Variants in BUB1B observed in about 807,000 individuals in gnomAD.
The protein encoded by BUB1B is mitotic checkpoint serine/threonine-protein kinase BUB1 beta.
Under a neutral mutation model 137.7 loss-of-function variants are expected in BUB1B, and 86 were observed. The observed-to-expected ratio is 0.62, with a 90% CI of 0.52 to 0.75. BUB1B has a LOEUF of 0.75. Ranked by LOEUF, BUB1B falls within the 30% of genes least tolerant of loss-of-function variation. BUB1B has a pLI of 0.00. For synonymous variants in BUB1B, 420 were observed against 417.9 expected, an observed-to-expected ratio of 1.00 and a Z score of -0.06; for missense variants, 1,130 against 1,236.9, an observed-to-expected ratio of 0.91 and a Z score of 1.30.
At chr15:40,180,111 C>A (rs1406419956) in intron 5 of BUB1B, among the ~76,000 whole-genome samples, 3 of 151,604 alleles carry the variant, frequency 2.0e-5, no homozygotes, top group Admixed American at 1.3e-4. Context: ...TGAAGAACTT[C>A]TTTTAGCCAC....
chr15:40,213,887 A>G (rs548109654), intron 20 of BUB1B, among the ~76,000 whole-genome samples: 1 of 152,302 alleles, frequency 6.6e-6, no homozygotes, highest in South Asian at 2.1e-4. Context: ...CGAGGAACAT[A>G]TTATGTTAAG....
intron 8 of BUB1B, among the ~76,000 whole-genome samples, chr15:40,195,110 T>C (rs1290823802): frequency 1.3e-5 from 2 of 152,194 alleles, no homozygotes; most frequent in Admixed American, 6.5e-5. Flanking sequence ...CTGTACCCGA[T>C]GTGTAGTCTT....
At chr15:40,161,356 C>T (rs2037041139) in intron 1 of BUB1B, 101 bp downstream of exon 1, 8 of 1,375,210 alleles carry the variant, frequency 5.8e-6, no homozygotes, top group South Asian at 1.5e-5. Context: ...AGATCGGCAC[C>T]GTCAGAACAG....
chr15:40,175,922 C>T (rs559061125), intron 4 of BUB1B, among the ~76,000 whole-genome samples: 1 of 152,208 alleles, frequency 6.6e-6, no homozygotes, highest in South Asian at 2.1e-4. Flanking sequence ...CAGGGCTAAG[C>T]TCAAATGTTA....
chr15:40,173,899 G>C, intron 4 of BUB1B: 2 of 395,708 alleles, frequency 5.1e-6, no homozygotes, highest in Non-Finnish European at 9.7e-6. Context: ...GATTTCTCCA[G>C]TCAGTTATTT....
intron 8 of BUB1B, among the ~76,000 whole-genome samples, chr15:40,191,460 T>C (rs1052190740): frequency 6.6e-6 from 1 of 152,274 alleles, no homozygotes; most frequent in Non-Finnish European, 1.5e-5. Context: ...CCAAAAGTTA[T>C]TTAAAATTTT....
intron 9 of BUB1B, 122 bp downstream of exon 9, chr15:40,196,896 G>A: frequency 2.3e-6 from 2 of 883,580 alleles, no homozygotes; most frequent in Non-Finnish European, 3.5e-6. Context: ...TTCTATGGTA[G>A]TACTGTTTCT....
chr15:40,161,662 T>C (rs1038026588), intron 1 of BUB1B, among the ~76,000 whole-genome samples: 1 of 152,190 alleles, frequency 6.6e-6, no homozygotes, highest in African/African-American at 2.4e-5. Flanking sequence ...TGCTTCCAAA[T>C]AAGCGCTCAA....
intron 17 of BUB1B, 104 bp downstream of exon 17, chr15:40,209,879 G>T: frequency 6.8e-7 from 1 of 1,476,482 alleles, no homozygotes; most frequent in East Asian, 2.3e-5. Flanking sequence ...TTCCTAGATT[G>T]TATTTTTTAA....
chr15:40,164,909 T>TATA (rs916248563), intron 1 of BUB1B, 144 bp from the exon 2 acceptor site: 109 of 1,029,732 alleles, frequency 1.1e-4, no homozygotes, highest in African/African-American at 4.4e-4. Context: ...AGCTTAGGCA[T>TATA]ATAATAATAA....
intron 5 of BUB1B, among the ~76,000 whole-genome samples, chr15:40,177,166 C>T (rs2037233401): frequency 6.6e-6 from 1 of 152,184 alleles, no homozygotes. Flanking sequence ...TATTTTCTCT[C>T]AGCTTAAGCC....
chr15:40,196,751 A>G lies in BUB1B; in HGVS notation c.1265A>G (p.Lys422Arg). The part of the protein sequence containing the change: ...FEEIRAEVFR[K>R]KLKEQREAEL... Reference sequence around the variant, plus strand: ...GAAATTCGGGCTGAAGTTTTCCGGAAGAAATTAAAAGAGCAAAGGGAAGGT... The same window carrying G: ...GAAATTCGGGCTGAAGTTTTCCGGAGGAAATTAAAAGAGCAAAGGGAAGGT... Residue 422 changes from lysine to arginine, a missense_variant, in exon 9 of 23, where the codon AAG becomes AGG. Coordinates refer to ENST00000287598, the MANE Select transcript of BUB1B (RefSeq NM_001211.6). 3 of 1,614,036 alleles carry G rather than the reference A, an allele frequency of 1.9e-6. No individual in the cohort carries two copies. Among genetic ancestry groups the G allele is most frequent in the Admixed American group, 1.7e-5 (1 of 60,022 alleles).
chr15:40,161,341 G>C, intron 1 of BUB1B, 86 bp downstream of exon 1: 1 of 1,471,878 alleles, frequency 6.8e-7, no homozygotes. Flanking sequence ...GAGCAGTCGA[G>C]GGGGAGATCG....
rs746475397 is a variant in BUB1B, at chr15:40,199,674, G to C, written c.1348G>C (p.Glu450Gln). The C allele has an allele frequency of 1.9e-6, 3 of 1,613,996 alleles. No individual in the cohort carries two copies. The highest frequency in any genetic ancestry group is 2.5e-6 in the Non-Finnish European group (3 of 1,179,912). Residue 450 changes from glutamate (E) to glutamine (Q), a missense_variant, in exon 10 of 23, where the codon GAG becomes CAG. Glu to Gln is a conservative substitution (Grantham distance 29). Coordinates refer to ENST00000287598, the MANE Select transcript of BUB1B (RefSeq NM_001211.6). Reference sequence around the variant, plus strand: ...AATGCAGAAACAGATTGAAGAGATGGAGAAGAAGCTAAAAGAAATCCAAAC... The same window carrying C: ...AATGCAGAAACAGATTGAAGAGATGCAGAAGAAGCTAAAAGAAATCCAAAC... Reference protein sequence around the residue: ...AEMQKQIEEMEKKLKEIQTTQ... With the variant: ...AEMQKQIEEMQKKLKEIQTTQ...
intron 19 of BUB1B, 89 bp downstream of exon 19, chr15:40,212,737 C>A: frequency 8.0e-7 from 1 of 1,250,672 alleles, no homozygotes; most frequent in Non-Finnish European, 1.1e-6. Context: ...AAATTCCTGT[C>A]AATCTTCTAG....
chr15:40,214,187 C>T (rs1456819547), intron 20 of BUB1B, among the ~76,000 whole-genome samples: 2 of 152,110 alleles, frequency 1.3e-5, no homozygotes, highest in Admixed American at 1.3e-4. Flanking sequence ...GACCTGTTAG[C>T]CAAGAGAAGT....
intron 5 of BUB1B, among the ~76,000 whole-genome samples, chr15:40,179,967 C>CATATATAT (rs34339420): frequency 0.015 from 2,130 of 143,472 alleles, 51 homozygotes; most frequent in African/African-American, 0.051. Context: ...TTTCAAAAGC[C>CATATATAT]ATATATATAT....
At position 40,208,743 on chromosome 15, in the gene BUB1B, A is replaced by G; in HGVS notation, c.2116A>G (p.Lys706Glu). 4 of 1,613,358 alleles carry G rather than the reference A, an allele frequency of 2.5e-6. No individual in the cohort carries two copies. The highest frequency in any genetic ancestry group is 2.5e-6 in the Non-Finnish European group (3 of 1,179,278). Residue 706 changes from lysine (K) to glutamate (E), a missense_variant, in exon 16 of 23, where the codon AAA becomes GAA. Coordinates refer to ENST00000287598, the MANE Select transcript of BUB1B (RefSeq NM_001211.6). ...SSIKCLQIPE[K>E]LELTNETSEN... ...CATCAAATGTCTTCAAATTCCTGAG[A>G]AACTAGAACTTACTAATGAGACTTC...
chr15:40,188,488 G>A (rs2037396128), intron 8 of BUB1B, among the ~76,000 whole-genome samples: 1 of 151,846 alleles, frequency 6.6e-6, no homozygotes, highest in African/African-American at 2.4e-5. Context: ...AATACGAGTT[G>A]CAAATATTTT....
Sources: allele counts gnomAD v4.1 joint callset (sites outside exome capture counted in the v4.1 genomes callset), GRCh38; gene constraint gnomAD v4.1.1; transcripts MANE v1.5; gene names NCBI Gene and HGNC (gene_info 2026-07-23, HGNC 2026-07-21).